The following CPSF6 variants were observed in gnomAD, a reference collection of about 807,000 sequenced individuals.
CPSF6 encodes the protein cleavage and polyadenylation specificity factor subunit 6.
Under a neutral mutation model 56.7 loss-of-function variants are expected in CPSF6, and 10 were observed. The observed-to-expected ratio is 0.18, with a 90% CI of 0.11 to 0.30. The LOEUF is 0.30. CPSF6 is among the 10% of genes least tolerant of loss of function. CPSF6 has a pLI of 1.00. For synonymous variants in CPSF6, 248 were observed against 244.8 expected (o/e 1.01, Z -0.12); for missense variants, 419 against 722.9 (o/e 0.58, Z 4.82).
intron 3 of CPSF6, 38 bp from the exon 4 acceptor site, chr12:69,256,659 T>C: frequency 1.3e-6 from 2 of 1,573,024 alleles, no homozygotes; most frequent in Non-Finnish European, 8.6e-7. Flanking sequence ...TATTGATCTC[T>C]TTTTACTTTG....
chr12:69,256,604 A>G, intron 3 of CPSF6, 93 bp from the exon 4 acceptor site: 4 of 1,292,580 alleles, frequency 3.1e-6, no homozygotes, highest in South Asian at 2.9e-5. Context: ...GTTGTTTTAG[A>G]TAAAAGCAGA....
intron 6 of CPSF6, 150 bp from the exon 7 acceptor site, chr12:69,259,278 G>A: frequency 7.9e-7 from 1 of 1,266,764 alleles, no homozygotes. Flanking sequence ...TGTTCTCTTT[G>A]TTGGAAAAGT....
Position 69,251,346 on chromosome 12 carries a change from A to G in CPSF6, c.270+8A>G, listed in dbSNP as rs375695206. 6 of 1,449,436 alleles carry G rather than the reference A, an allele frequency of 4.1e-6. No homozygotes were observed. The African/African-American group carries it at 5.6e-5, about 14-fold the overall frequency. The allele number at this position is 1,449,436 out of a possible 1,614,324, so 89.8% of individuals were successfully genotyped here. ...ATTGGAAATCTAACATGGGTAAGTG[A>G]AGTTAATATAAGAATTAAATTATTG... On this transcript the variant is annotated splice_region_variant and intron_variant, in intron 2 of 9. Coordinates refer to ENST00000435070, the MANE Select transcript of CPSF6 (RefSeq NM_007007.3).
At chr12:69,267,556 C>T (rs1426957068) in intron 9 of CPSF6, among the ~76,000 whole-genome samples, 2 of 151,804 alleles carry the variant, frequency 1.3e-5, no homozygotes, top group African/African-American at 4.8e-5. Flanking sequence ...TTTTAAGCTT[C>T]TTTTTGATAT....
chr12:69,251,586 TTTTGTCTTCAG>T (rs1872246966), intron 2 of CPSF6, among the ~76,000 whole-genome samples: 1 of 152,180 alleles, frequency 6.6e-6, no homozygotes, highest in Admixed American at 6.5e-5. Context: ...GTTAAATTAG[TTTTGTCTTCAG>T]TTACCTTTTT....
At chr12:69,259,163 T>C (rs1872639195) in intron 6 of CPSF6, 69 bp downstream of exon 6, 15 of 1,472,366 alleles carry the variant, frequency 1.0e-5, no homozygotes, top group Middle Eastern at 3.6e-4. Flanking sequence ...AAATATTAGA[T>C]TGTAGGTATA....
intron 1 of CPSF6, among the ~76,000 whole-genome samples, chr12:69,240,318 TTCC>T: frequency 6.6e-6 from 1 of 152,302 alleles, no homozygotes; most frequent in South Asian, 2.1e-4. Context: ...GCGTGGCGCC[TTCC>T]TCCTCCCCTC....
chr12:69,252,274 C>G, intron 2 of CPSF6: 1 of 322,902 alleles, frequency 3.1e-6, no homozygotes, highest in South Asian at 2.4e-5. Flanking sequence ...GTAGAGCTGA[C>G]TTCTTGCTAT....
At position 69,270,565 on chromosome 12, in the gene CPSF6, A is replaced by G. The variant is rs1458394245; in HGVS notation, c.*1057A>G. The G allele has an allele frequency of 6.6e-6, 1 of 151,716 alleles. No homozygotes were observed. Among genetic ancestry groups the G allele is most frequent in the Non-Finnish European group, 1.5e-5 (1 of 67,670 alleles). 9.4% of individuals were successfully genotyped at this position (151,716 alleles called of 1,614,324 possible). Reference sequence around the variant, plus strand: ...GCCTTATATTTTCCAATTGGTATAAATTTTTGAAGGATGTGATGTTCATTA... The same window carrying G: ...GCCTTATATTTTCCAATTGGTATAAGTTTTTGAAGGATGTGATGTTCATTA... On this transcript the variant is annotated 3_prime_UTR_variant, in exon 10 of 10. Transcript: ENST00000435070.
intron 4 of CPSF6, 52 bp downstream of exon 4, chr12:69,256,894 A>G: frequency 3.4e-6 from 5 of 1,472,520 alleles, no homozygotes; most frequent in Non-Finnish European, 4.6e-6. Context: ...TAACCAGTGC[A>G]TTTGTTAGGT....
At chr12:69,248,630 T>A (rs1286724413) in intron 1 of CPSF6, among the ~76,000 whole-genome samples, 1 of 152,238 alleles carries the variant, frequency 6.6e-6, no homozygotes, top group Non-Finnish European at 1.5e-5. Flanking sequence ...AAAAACTCAT[T>A]TCTTAAAGAT....
intron 1 of CPSF6, among the ~76,000 whole-genome samples, chr12:69,244,594 T>TACTGTGTTGCACAGGTCTC (rs1256594086): frequency 9.2e-5 from 14 of 151,884 alleles, no homozygotes; most frequent in Non-Finnish European, 1.8e-4. Flanking sequence ...GACAAGGTCT[T>TACTGTGTTGCACAGGTCTC]ACTGTGTTGC....
intron 9 of CPSF6, among the ~76,000 whole-genome samples, chr12:69,263,801 T>A (rs908770400): frequency 6.6e-6 from 1 of 152,052 alleles, no homozygotes; most frequent in Non-Finnish European, 1.5e-5. Flanking sequence ...AACACAGATA[T>A]AAGCTCCTAC....
chr12:69,261,788 T>G (rs1260815334), intron 8 of CPSF6, among the ~76,000 whole-genome samples: 1 of 152,204 alleles, frequency 6.6e-6, no homozygotes, highest in Non-Finnish European at 1.5e-5. Flanking sequence ...TCATGAAACA[T>G]TTCTACTTAT....
chr12:69,258,760 T>A lies in CPSF6; in HGVS notation c.865T>A (p.Leu289Met), dbSNP rs746669668. The change falls in exon 6 of 10, where the codon TTG becomes ATG. Residue 289 changes from leucine (L) to methionine (M), a missense_variant. Leu to Met is a conservative substitution (Grantham distance 15, BLOSUM62 2). Transcript: ENST00000435070. The surrounding 1 kb of genome is among the most constrained non-coding windows in gnomAD (Gnocchi z 4.2). ...TGGACAACCTTTTGGGCAGCCTCCA[T>A]TGGGTCCACTTCCTCCTGGCCCTCC... Reference protein sequence around the residue: ...FPGQPFGQPPLGPLPPGPPPP... With the variant: ...FPGQPFGQPPMGPLPPGPPPP... The A allele has an allele frequency of 1.2e-6, 2 of 1,613,970 alleles. No individual in the cohort carries two copies. Among genetic ancestry groups the A allele is most frequent in the South Asian group, 1.1e-5 (1 of 91,068 alleles).
intron 9 of CPSF6, among the ~76,000 whole-genome samples, chr12:69,268,581 CCTT>C (rs1207407044): frequency 2.0e-5 from 3 of 151,570 alleles, no homozygotes; most frequent in African/African-American, 7.3e-5. Context: ...TTTTAAAAAA[CCTT>C]CTGCCCTCTT....
At chr12:69,253,646 T>A (rs910341766) in intron 3 of CPSF6, among the ~76,000 whole-genome samples, 4 of 152,126 alleles carry the variant, frequency 2.6e-5, no homozygotes, top group Admixed American at 2.6e-4. Context: ...ACTTTTAACA[T>A]TTTAGTGAAG....
chr12:69,260,054 G>C lies in CPSF6; in HGVS notation c.1326G>C (p.Gly442=). ...AVSDASAGDY[G]SAIETLVTAI... ...TCCTTTCCCTCACAGGTGATTATGG[G>C]AGTGCTATTGAGACACTGGTAACTG... Residue 442 remains glycine, a synonymous_variant, in exon 8 of 10, where the codon GGG becomes GGC. Transcript: ENST00000435070. 6.2e-7 allele frequency: 1 copy of C among 1,612,284 alleles called. No homozygotes were observed. The highest frequency in any genetic ancestry group is 8.5e-7 in the Non-Finnish European group (1 of 1,179,506).
Position 69,258,666 on chromosome 12 carries a change from G to C in CPSF6, c.771G>C (p.Gln257His). The change falls in exon 6 of 10, where the codon CAG becomes CAC. Residue 257 changes from glutamine (Q) to histidine (H), a missense_variant. Physicochemically the swap from Gln to His is conservative, Grantham distance 24 (BLOSUM62 0). Coordinates refer to ENST00000435070, the MANE Select transcript of CPSF6 (RefSeq NM_007007.3). The surrounding 1 kb of genome is among the most constrained non-coding windows in gnomAD (Gnocchi z 4.2). The part of the protein sequence containing the change: ...PGPPGPPPPG[Q>H]VLPPPLAGPP... ...CACCAGGTCCTCCACCTCCTGGTCAGGTTCTGCCTCCTCCTCTAGCTGGGC... is the reference window on the plus strand; with the variant it reads ...CACCAGGTCCTCCACCTCCTGGTCACGTTCTGCCTCCTCCTCTAGCTGGGC... 6.2e-7 allele frequency: 1 copy of C among 1,613,774 alleles called. No homozygotes were observed. The highest frequency in any genetic ancestry group is 8.5e-7 in the Non-Finnish European group (1 of 1,179,954).
Sources: gnomAD v4.1 joint callset for allele counts (sites outside exome capture counted in the v4.1 genomes callset) on GRCh38, gnomAD v4.1.1 for gene constraint, Gnocchi (gnomAD v3.1) non-coding constraint, MANE v1.5 for transcripts, NCBI Gene and HGNC (gene_info 2026-07-23, HGNC 2026-07-21) for gene names.